DGKB: variants seen among roughly 807,000 people sequenced by gnomAD.
The protein encoded by DGKB is diacylglycerol kinase beta.
DGKB carries 67 observed loss-of-function variants against 114.3 expected under a neutral mutation model. The observed-to-expected ratio is 0.59, with a 90% CI of 0.48 to 0.72. The LOEUF (loss-of-function observed/expected upper bound fraction) is 0.72. Among genes scored for constraint, DGKB ranks in the 30% least tolerant of loss-of-function variants. The pLI, the probability that DGKB is intolerant of heterozygous loss-of-function variation, is 0.00. For synonymous variants in DGKB, 398 were observed against 323.1 expected, an observed-to-expected ratio of 1.23 and a Z score of -2.49; for missense variants, 907 against 975.2, an observed-to-expected ratio of 0.93 and a Z score of 0.93.
chr7:14,927,865 T>C (rs1784824612), intron 1 of DGKB, among the ~76,000 whole-genome samples: 2 of 151,920 alleles, frequency 1.3e-5, no homozygotes, highest in Non-Finnish European at 2.9e-5. Flanking sequence ...AAATCTGCTC[T>C]AAAATTTCTG....
intron 1 of DGKB, among the ~76,000 whole-genome samples, chr7:14,940,384 T>A: frequency 6.6e-6 from 1 of 151,898 alleles, no homozygotes; most frequent in East Asian, 1.9e-4. Flanking sequence ...ATTGACAAAA[T>A]TCAAAATGTA....
intron 23 of DGKB, among the ~76,000 whole-genome samples, chr7:14,270,746 G>A (rs1798155682): frequency 1.3e-5 from 2 of 152,162 alleles, no homozygotes; most frequent in Non-Finnish European, 1.5e-5. Flanking sequence ...ATGTCCTGAA[G>A]GCCTATTGCC....
chr7:14,585,879 G>C (rs951851258), intron 17 of DGKB, among the ~76,000 whole-genome samples: 14 of 152,152 alleles, frequency 9.2e-5, no homozygotes, highest in African/African-American at 3.1e-4. Flanking sequence ...CCACGCCCAT[G>C]TAAGACAGAG....
chr7:14,627,768 C>G (rs1439925805), intron 14 of DGKB, among the ~76,000 whole-genome samples: 1 of 151,816 alleles, frequency 6.6e-6, no homozygotes, highest in African/African-American at 2.4e-5. Context: ...ATGGTGAAAC[C>G]TCATCTCTAC....
intron 21 of DGKB, among the ~76,000 whole-genome samples, chr7:14,431,170 G>T (rs557369353): frequency 6.6e-6 from 1 of 152,166 alleles, no homozygotes; most frequent in African/African-American, 2.4e-5. Context: ...CCTTCTGCAT[G>T]ACTGATTGAC....
At chr7:14,574,447 G>T in intron 19 of DGKB, 75 bp from the exon 20 acceptor site, 1 of 1,219,008 alleles carries the variant, frequency 8.2e-7, no homozygotes, top group Non-Finnish European at 1.2e-6. Context: ...GTTTCAGTGT[G>T]CTTATGCATA....
intron 21 of DGKB, among the ~76,000 whole-genome samples, chr7:14,355,541 G>C (rs1814282646): frequency 6.6e-6 from 1 of 152,088 alleles, no homozygotes; most frequent in Non-Finnish European, 1.5e-5. Context: ...ATAATCATGT[G>C]GTTTTTGTCG....
intron 16 of DGKB, among the ~76,000 whole-genome samples, chr7:14,612,688 A>C (rs545558878): frequency 6.6e-6 from 1 of 152,082 alleles, no homozygotes; most frequent in East Asian, 1.9e-4. Flanking sequence ...TCTAAAAAGC[A>C]TTAAGGCAGG....
chr7:14,790,640 G>T (rs912466120), intron 2 of DGKB, among the ~76,000 whole-genome samples: 1 of 152,014 alleles, frequency 6.6e-6, no homozygotes, highest in Non-Finnish European at 1.5e-5. Flanking sequence ...TTATTTTAGG[G>T]TTCTCTCTGT....
intron 23 of DGKB, among the ~76,000 whole-genome samples, chr7:14,316,853 A>T (rs1806652193): frequency 7.0e-6 from 1 of 143,262 alleles, no homozygotes; most frequent in South Asian, 2.3e-4. Flanking sequence ...TTAGACCAAT[A>T]TCCTTGATGA....
intron 23 of DGKB, among the ~76,000 whole-genome samples, chr7:14,275,791 A>G (rs898711816): frequency 1.3e-5 from 2 of 152,236 alleles, no homozygotes; most frequent in Non-Finnish European, 2.9e-5. Flanking sequence ...AAACATCTCT[A>G]AAACTAATTC....
At chr7:14,336,014 G>A (rs535821160) in intron 23 of DGKB, among the ~76,000 whole-genome samples, 1 of 152,252 alleles carries the variant, frequency 6.6e-6, no homozygotes, top group East Asian at 1.9e-4. Flanking sequence ...AAAGTGTGAG[G>A]ATTGCATGTG....
intron 1 of DGKB, among the ~76,000 whole-genome samples, chr7:14,850,468 G>C (rs1264698312): frequency 6.6e-6 from 1 of 152,162 alleles, no homozygotes; most frequent in African/African-American, 2.4e-5. Context: ...AAAAGAGGGA[G>C]AGATAAGTCC....
At chr7:14,282,753 G>C (rs1161105524) in intron 23 of DGKB, among the ~76,000 whole-genome samples, 1 of 152,008 alleles carries the variant, frequency 6.6e-6, no homozygotes, top group African/African-American at 2.4e-5. Flanking sequence ...CAGAGCCAAA[G>C]ACAAAAACCA....
intron 23 of DGKB, among the ~76,000 whole-genome samples, chr7:14,291,088 G>GCCGA (rs1320753369): frequency 7.1e-6 from 1 of 141,400 alleles, no homozygotes; most frequent in Non-Finnish European, 1.5e-5. Flanking sequence ...GTTGCAGTGA[G>GCCGA]CCGAGGTCAT....
At chr7:14,588,204 T>C (rs565193925) in intron 17 of DGKB, among the ~76,000 whole-genome samples, 3 of 152,276 alleles carry the variant, frequency 2.0e-5, no homozygotes, top group African/African-American at 7.2e-5. Flanking sequence ...CATTATCTAT[T>C]CCTTTTCACC....
chr7:14,891,792 G>T (rs1040165661), intron 1 of DGKB, among the ~76,000 whole-genome samples: 21 of 151,288 alleles, frequency 1.4e-4, no homozygotes, highest in African/African-American at 5.1e-4. Context: ...GAAGTACCTG[G>T]GTGGCAGGGC....
intron 23 of DGKB, among the ~76,000 whole-genome samples, chr7:14,196,798 TA>T (rs199760144): frequency 4.0e-5 from 6 of 148,828 alleles, no homozygotes; most frequent in East Asian, 2.0e-4. Context: ...GAGCTTGAAT[TA>T]AAAAAAAAAT....
At chr7:14,877,399 TA>T (rs796795883) in intron 1 of DGKB, among the ~76,000 whole-genome samples, 78 of 151,740 alleles carry the variant, frequency 5.1e-4, no homozygotes, top group African/African-American at 1.8e-3. Flanking sequence ...CTACTGAAAA[TA>T]AAAAATTAGC....
Sources: gnomAD v4.1 joint callset for allele counts (sites outside exome capture counted in the v4.1 genomes callset) on GRCh38, gnomAD v4.1.1 for gene constraint, MANE v1.5 for transcripts, NCBI Gene and HGNC (gene_info 2026-07-23, HGNC 2026-07-21) for gene names.